PHACTR3: variants seen among roughly 807,000 people sequenced by gnomAD.
PHACTR3 encodes protein phosphatase 1, regulatory subunit 123.
A neutral mutation model predicts 66.8 loss-of-function variants in PHACTR3; 16 were observed. The ratio of observed to expected loss-of-function variants is 0.24; its 90% CI spans 0.16 to 0.36. The LOEUF is 0.36. PHACTR3 is among the 10% of genes least tolerant of loss of function. The pLI is 1.00. For missense variants in PHACTR3, 647 were observed against 719.9 expected (o/e 0.90, Z 1.16); for synonymous variants, 323 against 292.1 (o/e 1.11, Z -1.08).
At chr20:59,613,858 A>C (rs2033938889) in intron 1 of PHACTR3, among the ~76,000 whole-genome samples, 1 of 152,252 alleles carries the variant, frequency 6.6e-6, no homozygotes, top group South Asian at 2.1e-4. Context: ...TTCAAATTTT[A>C]TTTAACAATA....
At chr20:59,606,293 A>G (rs1429688773) in intron 1 of PHACTR3, among the ~76,000 whole-genome samples, 2 of 93,692 alleles carry the variant, frequency 2.1e-5, no homozygotes, top group African/African-American at 7.2e-5. Context: ...CTGTGTGGGC[A>G]CTGGATCCCT....
chr20:59,583,013 A>G (rs913144295), intron 1 of PHACTR3, among the ~76,000 whole-genome samples: 1 of 152,108 alleles, frequency 6.6e-6, no homozygotes, highest in Non-Finnish European at 1.5e-5. Context: ...TCAGTGTGGC[A>G]GGGAGGGTCC....
intron 1 of PHACTR3, among the ~76,000 whole-genome samples, chr20:59,578,082 C>T (rs539261366): frequency 4.6e-5 from 7 of 152,244 alleles, no homozygotes; most frequent in Non-Finnish European, 7.3e-5. Context: ...CCAGGGAGGG[C>T]CATGGGCCTC....
intron 8 of PHACTR3, among the ~76,000 whole-genome samples, chr20:59,810,434 G>C (rs1049201916): frequency 6.6e-6 from 1 of 152,318 alleles, no homozygotes; most frequent in Non-Finnish European, 1.5e-5. Context: ...AGCATCCCAG[G>C]AGGTCAGACA....
At chr20:59,701,629 T>A (rs181819288) in intron 1 of PHACTR3, among the ~76,000 whole-genome samples, 1 of 152,300 alleles carries the variant, frequency 6.6e-6, no homozygotes, top group Admixed American at 6.5e-5. Flanking sequence ...AAAAAGTGAG[T>A]TCCCATATAC....
rs150898985 is a variant in PHACTR3 at position 59,610,412 on chromosome 20, G to A, written c.118+5280G>A. ...TGAGGAAGTCAGGCCCAGGGGCACC[G>A]TCCAGCCTCACCTGCCTTCCTCATG... is the stretch of plus-strand genomic sequence containing the variant. On this transcript the variant is annotated intron_variant, in intron 1 of 12. Coordinates refer to ENST00000371015, the MANE Select transcript of PHACTR3 (RefSeq NM_080672.5). Among the ~76,000 whole-genome samples, 98 of 152,324 alleles carry A rather than the reference G, an allele frequency of 6.4e-4. 1 individual carries two copies. The highest frequency in any genetic ancestry group is 1.8e-3 in the African/African-American group (75 of 41,570).
At chr20:59,605,960 G>A (rs1019634099) in intron 1 of PHACTR3, among the ~76,000 whole-genome samples, 5 of 152,020 alleles carry the variant, frequency 3.3e-5, no homozygotes, top group African/African-American at 9.7e-5. Context: ...CACTTCACAG[G>A]GAGAAGTCTG....
Position 59,840,421 on chromosome 20 carries a change from G to A in PHACTR3, c.1437G>A (p.Leu479=). ...QEERREIKQR[L]TRKLNQRPTV... is the part of the protein sequence containing the mutation. The stretch of plus-strand genomic sequence containing the variant: ...AAAGAAGAGAAATCAAGCAAAGATT[G>A]ACAAGAAAGGTAGTATAAGCATTTT... Residue 479 remains leucine, a synonymous_variant, in exon 10 of 13, where the codon TTG becomes TTA. Transcript: ENST00000371015. 2 of 1,613,240 alleles carry A rather than the reference G, an allele frequency of 1.2e-6. No homozygotes were observed. Among genetic ancestry groups the A allele is most frequent in the Non-Finnish European group, 1.7e-6 (2 of 1,179,410 alleles).
intron 3 of PHACTR3, among the ~76,000 whole-genome samples, chr20:59,754,184 A>G (rs1026571977): frequency 2.6e-5 from 4 of 152,202 alleles, no homozygotes; most frequent in African/African-American, 9.7e-5. Context: ...TAACTGAGCC[A>G]TTTATTTTGC....
At chr20:59,658,061 T>C (rs781612217) in intron 1 of PHACTR3, among the ~76,000 whole-genome samples, 2 of 152,136 alleles carry the variant, frequency 1.3e-5, no homozygotes, top group African/African-American at 2.4e-5. Context: ...AATGATTCTT[T>C]TTTCTACCAA....
chr20:59,707,179 G>T (rs2037737683), intron 1 of PHACTR3, among the ~76,000 whole-genome samples: 1 of 152,224 alleles, frequency 6.6e-6, no homozygotes, highest in Non-Finnish European at 1.5e-5. Context: ...GCCTGGCTCT[G>T]TGTCCATCTG....
intron 8 of PHACTR3, among the ~76,000 whole-genome samples, chr20:59,808,763 G>A (rs2041644405): frequency 6.6e-6 from 1 of 152,302 alleles, no homozygotes; most frequent in Admixed American, 6.5e-5. Context: ...TAGGGCTGCC[G>A]ACACTGCTCG....
intron 7 of PHACTR3, among the ~76,000 whole-genome samples, chr20:59,785,304 C>T (rs941322552): frequency 6.6e-6 from 1 of 152,140 alleles, no homozygotes; most frequent in Non-Finnish European, 1.5e-5. Context: ...GTTTCCTCTA[C>T]AGGGACACCA....
intron 11 of PHACTR3, among the ~76,000 whole-genome samples, 164 bp downstream of exon 11, chr20:59,841,699 G>GTGGTTCTCAGC (rs2059065162): frequency 6.6e-6 from 1 of 152,170 alleles, no homozygotes; most frequent in Admixed American, 6.5e-5. Context: ...AGATTGAGAA[G>GTGGTTCTCAGC]TGGTTCTCAG....
At chr20:59,613,618 A>G (rs144847772) in intron 1 of PHACTR3, among the ~76,000 whole-genome samples, 11 of 152,318 alleles carry the variant, frequency 7.2e-5, no homozygotes, top group Admixed American at 5.9e-4. Flanking sequence ...GGAGGGTGAG[A>G]ATGACTATCA....
In PHACTR3 at chr20:59,658,336, T is replaced by A. The variant is rs534123670; in HGVS notation, c.118+53204T>A. 9.0e-3 allele frequency among the ~76,000 whole-genome samples: 1,374 copies of A among 152,170 alleles called. 28 individuals are homozygous for A. Among genetic ancestry groups the A allele is most frequent in the African/African-American group, 0.031 (1,289 of 41,514 alleles). ...GCAGCTTCTTTTGAATGCTTTTTTT[T>A]AAATGTATTTGTTGCACTTTCCTGT... is the stretch of plus-strand genomic sequence containing the variant. On this transcript the variant is annotated intron_variant, in intron 1 of 12. Transcript: ENST00000371015.
rs2039424942 is a variant in PHACTR3, at chr20:59,747,702, C to T, written c.281-56C>T. 13 of 1,585,524 alleles carry T rather than the reference C, an allele frequency of 8.2e-6. No homozygotes were observed. In the South Asian group the frequency reaches 9.0e-5, roughly 11 times the overall value. On this transcript the variant is annotated intron_variant, in intron 2 of 12. Coordinates refer to ENST00000371015, the MANE Select transcript of PHACTR3 (RefSeq NM_080672.5). ...AGCCTGGCATTGGCTGTGGCTTGGA[C>T]AGGGCCCAGTGACACCTTTGCCTGA...
intron 7 of PHACTR3, among the ~76,000 whole-genome samples, chr20:59,797,910 A>G (rs1308584122): frequency 6.6e-6 from 1 of 151,794 alleles, no homozygotes; most frequent in East Asian, 1.9e-4. Flanking sequence ...AGTGTTTTTC[A>G]GGAATATTGG....
At chr20:59,842,378 T>G (rs1283324651) in intron 11 of PHACTR3, among the ~76,000 whole-genome samples, 2 of 152,318 alleles carry the variant, frequency 1.3e-5, no homozygotes, top group East Asian at 3.9e-4. Context: ...ACACAGATAT[T>G]GCATCAACTT....
Sources: allele counts gnomAD v4.1 joint callset (sites outside exome capture counted in the v4.1 genomes callset), GRCh38; gene constraint gnomAD v4.1.1; transcripts MANE v1.5; gene names NCBI Gene and HGNC (gene_info 2026-07-23, HGNC 2026-07-21).